The following DIP2B variants were observed in gnomAD, a reference collection of about 807,000 sequenced individuals.
The protein encoded by DIP2B is disco-interacting protein 2 homolog B.
DIP2B carries 76 observed loss-of-function variants against 198.0 expected under a neutral mutation model. The ratio of observed to expected loss-of-function variants is 0.38; its 90% CI spans 0.32 to 0.46. The LOEUF (loss-of-function observed/expected upper bound fraction) is 0.46, where lower values mean the gene tolerates loss of function less well. DIP2B is among the 20% of genes least tolerant of loss of function. DIP2B has a pLI of 0.99. For missense variants in DIP2B, 1,559 were observed against 1,978.4 expected (o/e 0.79, Z 4.02); for synonymous variants, 701 against 739.1 (o/e 0.95, Z 0.84).
intron 1 of DIP2B, among the ~76,000 whole-genome samples, chr12:50,538,508 G>T (rs969308074): frequency 1.3e-5 from 2 of 152,150 alleles, no homozygotes; most frequent in African/African-American, 4.8e-5. Context: ...CAGTTTTGTA[G>T]TTCCTGTAGT....
intron 1 of DIP2B, among the ~76,000 whole-genome samples, chr12:50,567,774 C>A (rs557780002): frequency 7.9e-5 from 12 of 152,294 alleles, no homozygotes; most frequent in African/African-American, 2.9e-4. Flanking sequence ...ATGATCTGCC[C>A]GCCTTGGCTT....
At position 50,741,789 on chromosome 12, in the gene DIP2B, C is replaced by T. The variant is rs74707946; in HGVS notation, c.4478+250C>T. Reference sequence around the variant, plus strand: ...TGATACCTTCTGTGGAATGCTGGAACTGAGTCCTTTTTTAGTGATAGACTC... The same window carrying T: ...TGATACCTTCTGTGGAATGCTGGAATTGAGTCCTTTTTTAGTGATAGACTC... On this transcript the variant is annotated intron_variant, in intron 37 of 37. Coordinates refer to ENST00000301180, the MANE Select transcript of DIP2B (RefSeq NM_173602.3). Among the ~76,000 whole-genome samples the T allele has an allele frequency of 2.2e-3, 335 of 152,268 alleles. 1 individual carries two copies. Among genetic ancestry groups the T allele is most frequent in the African/African-American group, 7.3e-3 (304 of 41,552 alleles).
intron 1 of DIP2B, among the ~76,000 whole-genome samples, chr12:50,519,226 G>C (rs1364595312): frequency 6.6e-6 from 1 of 152,120 alleles, no homozygotes; most frequent in Non-Finnish European, 1.5e-5. Flanking sequence ...CTTCATACCA[G>C]TATAACTACT....
intron 1 of DIP2B, among the ~76,000 whole-genome samples, chr12:50,511,030 C>G (rs1408698600): frequency 1.3e-5 from 2 of 149,792 alleles, no homozygotes; most frequent in African/African-American, 4.9e-5. Context: ...ACTGCAACCT[C>G]TGCCTCCTGG....
At chr12:50,709,520 C>T (rs1301711829) in intron 22 of DIP2B, among the ~76,000 whole-genome samples, 1 of 151,994 alleles carries the variant, frequency 6.6e-6, no homozygotes, top group Non-Finnish European at 1.5e-5. Context: ...CATCTGTAGT[C>T]CCAGCTACTC....
At chr12:50,734,877 C>T (rs1472849794) in intron 33 of DIP2B, among the ~76,000 whole-genome samples, 196 bp from the exon 34 acceptor site, 1 of 152,100 alleles carries the variant, frequency 6.6e-6, no homozygotes, top group South Asian at 2.1e-4. Flanking sequence ...TGGTAAACAC[C>T]GCAATGCACA....
chr12:50,510,648 CT>C (rs1337592696), intron 1 of DIP2B, among the ~76,000 whole-genome samples: 230 of 142,558 alleles, frequency 1.6e-3, no homozygotes, highest in African/African-American at 4.7e-3. Flanking sequence ...AAAGTACCAC[CT>C]TTTTTTTTTT....
chr12:50,729,642 A>C (rs1428040408), intron 30 of DIP2B, among the ~76,000 whole-genome samples: 1 of 152,162 alleles, frequency 6.6e-6, no homozygotes, highest in Non-Finnish European at 1.5e-5. Flanking sequence ...AAAACAAAAA[A>C]AAACATTGTG....
At chr12:50,736,188 C>T (rs1169582310) in intron 34 of DIP2B, among the ~76,000 whole-genome samples, 6 of 152,254 alleles carry the variant, frequency 3.9e-5, no homozygotes, top group Non-Finnish European at 7.4e-5. Context: ...TCTCACTTTC[C>T]GTTTGCATCT....
chr12:50,716,958 CTTTTTTT>C (rs4026694), intron 23 of DIP2B, among the ~76,000 whole-genome samples: 16 of 58,938 alleles, frequency 2.7e-4, no homozygotes, highest in Admixed American at 1.6e-3. Flanking sequence ...CGAATTGTTG[CTTTTTTT>C]TTTTTTTTTT....
Position 50,564,757 on chromosome 12 carries a change from T to C in DIP2B, c.100+59517T>C, listed in dbSNP as rs190667385. 5.3e-5 allele frequency among the ~76,000 whole-genome samples: 8 copies of C among 152,292 alleles called. No individual in the cohort carries two copies. The East Asian group carries it at 1.5e-3, about 29-fold the overall frequency. On this transcript the variant is annotated intron_variant, in intron 1 of 37. Coordinates refer to ENST00000301180, the MANE Select transcript of DIP2B (RefSeq NM_173602.3). ...TTCTTCATCTGTCATAGTATGTTAATTTTGTCATTGGTACCTTTTGCTGAG... is the reference window on the plus strand; with the variant it reads ...TTCTTCATCTGTCATAGTATGTTAACTTTGTCATTGGTACCTTTTGCTGAG...
intron 1 of DIP2B, among the ~76,000 whole-genome samples, chr12:50,575,640 T>A (rs553785159): frequency 6.6e-6 from 1 of 152,190 alleles, no homozygotes; most frequent in Non-Finnish European, 1.5e-5. Context: ...TGCCTCAGCC[T>A]CCCAAAGTGC....
intron 1 of DIP2B, among the ~76,000 whole-genome samples, chr12:50,519,151 T>C (rs1232283832): frequency 2.0e-5 from 3 of 152,238 alleles, no homozygotes; most frequent in Non-Finnish European, 2.9e-5. Flanking sequence ...TAATTTGTTA[T>C]TTCTTACCAT....
chr12:50,558,269 T>C (rs1487132904), intron 1 of DIP2B, among the ~76,000 whole-genome samples: 1 of 152,230 alleles, frequency 6.6e-6, no homozygotes, highest in Non-Finnish European at 1.5e-5. Context: ...TTTTTAGATA[T>C]GACATTGTTT....
intron 14 of DIP2B, among the ~76,000 whole-genome samples, chr12:50,693,833 A>G (rs1939260569): frequency 6.6e-6 from 1 of 152,164 alleles, no homozygotes; most frequent in African/African-American, 2.4e-5. Flanking sequence ...TTGGAGAGAG[A>G]AAACAGTATC....
intron 1 of DIP2B, among the ~76,000 whole-genome samples, chr12:50,607,762 C>T (rs1156619368): frequency 2.6e-5 from 4 of 152,180 alleles, no homozygotes; most frequent in Non-Finnish European, 5.9e-5. Context: ...TCATTCCTCA[C>T]ACAGTTTGCT....
At chr12:50,643,019 G>A (rs1306453071) in intron 3 of DIP2B, among the ~76,000 whole-genome samples, 1 of 137,614 alleles carries the variant, frequency 7.3e-6, no homozygotes, top group Non-Finnish European at 1.6e-5. Context: ...TGGCCTTCTG[G>A]GAGTTTCTGT....
At chr12:50,512,109 T>TC (rs1298649647) in intron 1 of DIP2B, among the ~76,000 whole-genome samples, 1 of 144,230 alleles carries the variant, frequency 6.9e-6, no homozygotes, top group Non-Finnish European at 1.5e-5. Context: ...TGTAAGCTCT[T>TC]TTTTTTTTTT....
chr12:50,744,652 C>A lies in DIP2B; in HGVS notation c.4544C>A (p.Ala1515Asp). ...VVELCGSEQE[A>D]LDLVPLVTNV... Reference sequence around the variant, plus strand: ...GAACTGTGCGGCTCTGAACAGGAAGCCCTAGATCTGGTCCCATTAGTGACC... The same window carrying A: ...GAACTGTGCGGCTCTGAACAGGAAGACCTAGATCTGGTCCCATTAGTGACC... Residue 1515 changes from alanine (A) to aspartate (D), a missense_variant, in exon 38 of 38, where the codon GCC becomes GAC. Transcript: ENST00000301180. 1 of 1,614,148 alleles carries A rather than the reference C, an allele frequency of 6.2e-7. No homozygotes were observed. Among genetic ancestry groups the A allele is most frequent in the Non-Finnish European group, 8.5e-7 (1 of 1,180,028 alleles).
Sources: allele counts gnomAD v4.1 joint callset (sites outside exome capture counted in the v4.1 genomes callset), GRCh38; gene constraint gnomAD v4.1.1; transcripts MANE v1.5; gene names NCBI Gene and HGNC (gene_info 2026-07-23, HGNC 2026-07-21).